TTC39B: variants seen among roughly 807,000 people sequenced by gnomAD.
TTC39B encodes tetratricopeptide repeat domain 39B.
A neutral mutation model predicts 96.6 loss-of-function variants in TTC39B; 92 were observed. The ratio of observed to expected loss-of-function variants is 0.95; its 90% CI spans 0.80 to 1.13. TTC39B has a LOEUF of 1.13. TTC39B is among the 50% of genes most tolerant of loss of function. The pLI, the probability that TTC39B is intolerant of heterozygous loss-of-function variation, is 0.00. For synonymous variants in TTC39B, 367 were observed against 299.4 expected, an observed-to-expected ratio of 1.23 and a Z score of -2.33; for missense variants, 955 against 809.3, an observed-to-expected ratio of 1.18 and a Z score of -2.18.
At chr9:15,193,228 G>T (rs945863529) in intron 8 of TTC39B, among the ~76,000 whole-genome samples, 19 of 152,152 alleles carry the variant, frequency 1.2e-4, no homozygotes, top group Non-Finnish European at 4.4e-5. Context: ...CTTTCTTCCT[G>T]CTCCAGCCAT....
chr9:15,289,227 A>G (rs147520778), intron 1 of TTC39B, among the ~76,000 whole-genome samples: 1 of 152,348 alleles, frequency 6.6e-6, no homozygotes, highest in South Asian at 2.1e-4. Flanking sequence ...TTTCCTCCCA[A>G]AAATAAAATG....
chr9:15,184,096 C>T (rs910640812), intron 16 of TTC39B, among the ~76,000 whole-genome samples: 1 of 151,920 alleles, frequency 6.6e-6, no homozygotes, highest in Non-Finnish European at 1.5e-5. Flanking sequence ...ATATGAACAA[C>T]AATTTACAAA....
At chr9:15,284,695 TCA>T (rs1287072752) in intron 1 of TTC39B, among the ~76,000 whole-genome samples, 4 of 152,206 alleles carry the variant, frequency 2.6e-5, no homozygotes, top group African/African-American at 9.6e-5. Context: ...GACTAGAAAG[TCA>T]CAACCAAATT....
intron 1 of TTC39B, among the ~76,000 whole-genome samples, chr9:15,305,366 T>C (rs1372245299): frequency 6.6e-6 from 1 of 152,214 alleles, no homozygotes; most frequent in African/African-American, 2.4e-5. Context: ...GCTCAGTTTA[T>C]AGCAATGGAA....
intron 8 of TTC39B, among the ~76,000 whole-genome samples, chr9:15,193,481 G>A (rs1437693992): frequency 6.6e-6 from 1 of 152,172 alleles, no homozygotes. Context: ...CTACACTTGT[G>A]ATCCAGTCTA....
rs569553087 is a variant in TTC39B at position 15,263,171 on chromosome 9, A to G, written c.275+4743T>C. The stretch of plus-strand genomic sequence containing the variant: ...ATAATCACATGAGTCAATTCCTTAC[A>G]GCAAATCTCTTCATATATAGACATT... On this transcript the variant is annotated intron_variant, in intron 2 of 19. Coordinates refer to ENST00000512701, the Ensembl canonical transcript of TTC39B. Among the ~76,000 whole-genome samples, 13 of 152,320 alleles carry G rather than the reference A, an allele frequency of 8.5e-5. No individual in the cohort carries two copies. The South Asian group carries it at 2.3e-3, about 27-fold the overall frequency.
chr9:15,163,793 G>C (rs118148138), exon 20 of TTC39B: 1 of 152,154 alleles, frequency 6.6e-6, no homozygotes, highest in African/African-American at 2.4e-5. Context: ...TGACTTTCAA[G>C]TCAGGATGAT....
At chr9:15,196,583 T>A (rs529704464) in intron 8 of TTC39B, among the ~76,000 whole-genome samples, 3 of 152,366 alleles carry the variant, frequency 2.0e-5, no homozygotes, top group African/African-American at 4.8e-5. Context: ...GACTGACTGC[T>A]GCCATCTCAT....
At chr9:15,284,529 C>T (rs1215120) in intron 1 of TTC39B, among the ~76,000 whole-genome samples, 103,778 of 152,126 alleles carry the variant, frequency 0.68, 36,352 homozygotes, top group East Asian at 0.9. Context: ...TCTCTTCAGA[C>T]ATTATATAAA....
At chr9:15,287,772 C>T (rs1421716873) in intron 1 of TTC39B, among the ~76,000 whole-genome samples, 1 of 151,902 alleles carries the variant, frequency 6.6e-6, no homozygotes, top group Non-Finnish European at 1.5e-5. Flanking sequence ...CGGTGAAACC[C>T]CTTCTCTACT....
chr9:15,213,677 A>G (rs1300209984), intron 4 of TTC39B, among the ~76,000 whole-genome samples: 3 of 152,234 alleles, frequency 2.0e-5, no homozygotes, highest in Admixed American at 1.3e-4. Flanking sequence ...CTTAACAGGT[A>G]CTATTAATTG....
At chr9:15,295,618 C>T (rs1824345468) in intron 1 of TTC39B, among the ~76,000 whole-genome samples, 1 of 152,120 alleles carries the variant, frequency 6.6e-6, no homozygotes, top group African/African-American at 2.4e-5. Context: ...GATAATGAAC[C>T]AGTAGCAGCA....
At chr9:15,252,868 T>C (rs1822614164) in intron 2 of TTC39B, among the ~76,000 whole-genome samples, 1 of 152,210 alleles carries the variant, frequency 6.6e-6, no homozygotes, top group Non-Finnish European at 1.5e-5. Flanking sequence ...AACTGTCTAT[T>C]AAAAAATCAT....
At chr9:15,208,430 G>A (rs915731938) in intron 6 of TTC39B, among the ~76,000 whole-genome samples, 1 of 152,088 alleles carries the variant, frequency 6.6e-6, no homozygotes, top group South Asian at 2.1e-4. Flanking sequence ...AGGAAAAAGG[G>A]AGGCAGAGGT....
rs367975201 is a variant in TTC39B, at chr9:15,165,625, G to A, written c.*6394C>T. 7 of 152,260 alleles carry A rather than the reference G, an allele frequency of 4.6e-5. No individual in the cohort carries two copies. The South Asian group carries it at 6.2e-4, about 14-fold the overall frequency. The allele number at this position is 152,260 out of a possible 1,614,324, so 9.4% of individuals were successfully genotyped here. On this transcript the variant is annotated 3_prime_UTR_variant, in exon 20 of 20. Transcript: ENST00000512701. ...GCCTCAGGAAACTTAGAATAATGGC[G>A]GAAGGCAAAGGGAAAGAAAGGCACC...
intron 2 of TTC39B, among the ~76,000 whole-genome samples, chr9:15,257,592 A>T (rs1391100758): frequency 1.3e-5 from 2 of 151,960 alleles, no homozygotes; most frequent in East Asian, 3.9e-4. Flanking sequence ...GGAACTACAG[A>T]TGTGTCACCA....
Position 15,263,271 on chromosome 9 carries a change from C to G in TTC39B, c.275+4643G>C, listed in dbSNP as rs533426230. Among the ~76,000 whole-genome samples, 264 of 152,330 alleles carry G rather than the reference C, an allele frequency of 1.7e-3. 1 individual carries two copies. The highest frequency in any genetic ancestry group is 5.8e-3 in the African/African-American group (240 of 41,580). Reference sequence around the variant, plus strand: ...GGGAGAGCAGAAAAGTACCGATGTTCACTGAGCACTTACTATGTGTTTTAC... The same window carrying G: ...GGGAGAGCAGAAAAGTACCGATGTTGACTGAGCACTTACTATGTGTTTTAC... On this transcript the variant is annotated intron_variant, in intron 2 of 19. Coordinates refer to ENST00000512701, the Ensembl canonical transcript of TTC39B.
intron 1 of TTC39B, among the ~76,000 whole-genome samples, chr9:15,298,796 G>A (rs1359889978): frequency 6.6e-6 from 1 of 152,044 alleles, no homozygotes. Flanking sequence ...AACTAACAAA[G>A]TACCCTTCCA....
At chr9:15,301,238 G>A (rs4259499) in intron 1 of TTC39B, among the ~76,000 whole-genome samples, 22,826 of 152,132 alleles carry the variant, frequency 0.15, 3,030 homozygotes, top group African/African-American at 0.36. Context: ...TACTGAAAGC[G>A]CTCATTTACT....
Sources: allele counts gnomAD v4.1 joint callset (sites outside exome capture counted in the v4.1 genomes callset), GRCh38; gene constraint gnomAD v4.1.1; transcripts MANE v1.5; gene names NCBI Gene and HGNC (gene_info 2026-07-23, HGNC 2026-07-21).